Variants in FAM151B observed in about 807,000 individuals in gnomAD.
FAM151B encodes family with sequence similarity 151 member B.
Under a neutral mutation model 31.2 loss-of-function variants are expected in FAM151B, and 24 were observed. The ratio of observed to expected loss-of-function variants is 0.77; its 90% confidence interval spans 0.56 to 1.08. The LOEUF (loss-of-function observed/expected upper bound fraction) is 1.08. Among genes scored for constraint, FAM151B ranks in the 50% least tolerant of loss-of-function variants. The pLI, the probability that FAM151B is intolerant of heterozygous loss-of-function variation, is 0.00. For missense variants in FAM151B, 293 were observed against 328.6 expected (o/e 0.89, Z 0.84); for synonymous variants, 105 against 111.4 (o/e 0.94, Z 0.36).
At chr5:80,511,751 C>T (rs966524916) in intron 2 of FAM151B, among the ~76,000 whole-genome samples, 1 of 152,020 alleles carries the variant, frequency 6.6e-6, no homozygotes, top group African/African-American at 2.4e-5. Flanking sequence ...GGATTACAGG[C>T]GCCTGCCACC....
At chr5:80,488,633 C>T (rs1413863514) in intron 1 of FAM151B, among the ~76,000 whole-genome samples, 1 of 152,250 alleles carries the variant, frequency 6.6e-6, no homozygotes, top group Non-Finnish European at 1.5e-5. Flanking sequence ...GGTGCTTCAA[C>T]TCGCGGGACA....
intron 5 of FAM151B, among the ~76,000 whole-genome samples, chr5:80,528,254 A>G (rs1745060278): frequency 6.6e-6 from 1 of 152,170 alleles, no homozygotes; most frequent in South Asian, 2.1e-4. Context: ...TCATATCACT[A>G]GAGAAAATCA....
chr5:80,508,236 C>G (rs777534623), intron 2 of FAM151B, among the ~76,000 whole-genome samples: 29 of 152,152 alleles, frequency 1.9e-4, no homozygotes, highest in Non-Finnish European at 3.7e-4. Flanking sequence ...TATGAGCATT[C>G]ACATACAGGT....
chr5:80,509,836 G>A (rs1191333207), intron 2 of FAM151B, among the ~76,000 whole-genome samples: 1 of 152,112 alleles, frequency 6.6e-6, no homozygotes, highest in African/African-American at 2.4e-5. Context: ...AAATACACAG[G>A]TTCACTGGGT....
chr5:80,523,465 CTAA>C (rs1744807422), intron 5 of FAM151B, among the ~76,000 whole-genome samples: 1 of 152,118 alleles, frequency 6.6e-6, no homozygotes, highest in African/African-American at 2.4e-5. Flanking sequence ...ATGAATTTCA[CTAA>C]TGAGACCGTG....
intron 2 of FAM151B, 72 bp downstream of exon 2, chr5:80,501,989 T>G (rs1743767669): frequency 4.7e-6 from 6 of 1,277,968 alleles, no homozygotes; most frequent in Non-Finnish European, 6.3e-6. Context: ...GATATCTAGG[T>G]ATATTTGCAG....
intron 1 of FAM151B, among the ~76,000 whole-genome samples, chr5:80,497,939 A>AAAAT (rs535648453): frequency 6.6e-6 from 1 of 152,306 alleles, no homozygotes; most frequent in South Asian, 2.1e-4. Context: ...ACTTAAATAA[A>AAAAT]AAATAAATAA....
intron 3 of FAM151B, among the ~76,000 whole-genome samples, chr5:80,517,826 C>CT (rs1432842996): frequency 6.6e-6 from 1 of 152,078 alleles, no homozygotes; most frequent in African/African-American, 2.4e-5. Flanking sequence ...AATCCCAGCA[C>CT]TTTGGGAGGC....
At chr5:80,502,221 T>A (rs891602435) in intron 2 of FAM151B, among the ~76,000 whole-genome samples, 2 of 152,082 alleles carry the variant, frequency 1.3e-5, no homozygotes, top group Non-Finnish European at 2.9e-5. Flanking sequence ...TTTTATAAAG[T>A]GTTTCATTTT....
At chr5:80,502,634 G>T (rs1252808524) in intron 2 of FAM151B, among the ~76,000 whole-genome samples, 2 of 152,076 alleles carry the variant, frequency 1.3e-5, no homozygotes, top group Non-Finnish European at 2.9e-5. Context: ...GCTCATGTTG[G>T]CTGCAGCAGG....
intron 1 of FAM151B, among the ~76,000 whole-genome samples, chr5:80,494,468 CTTT>C (rs772803662): frequency 1.6e-4 from 7 of 43,630 alleles, no homozygotes; most frequent in Admixed American, 1.0e-3. Flanking sequence ...TTCTTTCTTT[CTTT>C]CTTTCTTTCT....
intron 5 of FAM151B, among the ~76,000 whole-genome samples, chr5:80,526,268 G>A (rs115301754): frequency 0.011 from 1,630 of 151,960 alleles, 22 homozygotes; most frequent in African/African-American, 0.037. Context: ...ATATTGATTT[G>A]GATATTGTGT....
chr5:80,527,002 T>C (rs1389900827), intron 5 of FAM151B, among the ~76,000 whole-genome samples: 1 of 152,238 alleles, frequency 6.6e-6, no homozygotes, highest in East Asian at 1.9e-4. Flanking sequence ...CAGTGTTAGA[T>C]AGTATTGCTA....
At chr5:80,505,487 T>C (rs188678970) in intron 2 of FAM151B, among the ~76,000 whole-genome samples, 1,623 of 151,576 alleles carry the variant, frequency 0.011, 44 homozygotes, top group African/African-American at 0.037. Flanking sequence ...CTCCGCCTCC[T>C]GGGTTCACAC....
In FAM151B at chr5:80,541,991, A is replaced by G. The variant is rs1216496796; in HGVS notation, c.*159A>G. On this transcript the variant is annotated 3_prime_UTR_variant, in exon 6 of 6. Transcript: ENST00000282226. ...GCTTACTCTGTGGGCATATGTCCTTATAATAGTGCACTTACATAAAAGATT... is the reference window on the plus strand; with the variant it reads ...GCTTACTCTGTGGGCATATGTCCTTGTAATAGTGCACTTACATAAAAGATT... 2 of 692,910 alleles carry G rather than the reference A, an allele frequency of 2.9e-6. No individual in the cohort carries two copies. Among genetic ancestry groups the G allele is most frequent in the East Asian group, 2.9e-5 (1 of 35,038 alleles). 42.9% of individuals were successfully genotyped at this position (692,910 alleles called of 1,614,324 possible). A position where few individuals can be genotyped will look rare whatever the true frequency, so the allele number is the denominator to read the frequency against.
chr5:80,502,010 C>A, intron 2 of FAM151B, 93 bp downstream of exon 2: 3 of 933,744 alleles, frequency 3.2e-6, no homozygotes, highest in Non-Finnish European at 3.0e-6. Context: ...ATACTAGAGA[C>A]AGGTGATCCA....
At chr5:80,489,033 G>A (rs1743217073) in intron 1 of FAM151B, among the ~76,000 whole-genome samples, 1 of 152,200 alleles carries the variant, frequency 6.6e-6, no homozygotes, top group East Asian at 1.9e-4. Context: ...TAAGGTCATG[G>A]TAAACATAAT....
At chr5:80,492,896 G>A (rs528028438) in intron 1 of FAM151B, among the ~76,000 whole-genome samples, 1 of 152,194 alleles carries the variant, frequency 6.6e-6, no homozygotes, top group Non-Finnish European at 1.5e-5. Flanking sequence ...TCAGATTATA[G>A]TGAGCTATGA....
chr5:80,500,278 G>A (rs761162589), intron 1 of FAM151B: 2 of 672,600 alleles, frequency 3.0e-6, no homozygotes, highest in Non-Finnish European at 5.4e-6. Flanking sequence ...GTAGGTTAGA[G>A]CATACAGAAC....
Sources: gnomAD v4.1 joint callset for allele counts (sites outside exome capture counted in the v4.1 genomes callset) on GRCh38, gnomAD v4.1.1 for gene constraint, MANE v1.5 for transcripts, NCBI Gene and HGNC (gene_info 2026-07-23, HGNC 2026-07-21) for gene names.